ITPR1: variants seen among roughly 807,000 people sequenced by gnomAD.
ITPR1 encodes inositol 1,4,5-trisphosphate-gated calcium channel ITPR1.
In ITPR1, 96 loss-of-function variants were observed where a neutral mutation model predicts 318.4. That is an observed-to-expected ratio of 0.30 (90% CI 0.26 to 0.36). The LOEUF is 0.36. Among genes scored for constraint, ITPR1 ranks in the 10% least tolerant of loss-of-function variants. The pLI is 1.00. For missense variants in ITPR1, 2,440 were observed against 3,460.2 expected (o/e 0.71, Z 7.40); for synonymous variants, 1,312 against 1,289.9 (o/e 1.02, Z -0.37).
intron 44 of ITPR1, chr3:4,750,996 T>G (rs774811964): frequency 6.5e-6 from 1 of 152,992 alleles, no homozygotes; most frequent in Admixed American, 6.5e-5. Flanking sequence ...TCTTGCCTGA[T>G]AGAAGTTTTC....
At chr3:4,775,528 C>T in intron 47 of ITPR1, 86 bp downstream of exon 47, 1 of 1,047,226 alleles carries the variant, frequency 9.5e-7, no homozygotes. Context: ...ATCACGAAGC[C>T]TGTGCCTGTT....
intron 4 of ITPR1, among the ~76,000 whole-genome samples, chr3:4,536,539 C>A (rs897983452): frequency 2.0e-5 from 3 of 152,144 alleles, no homozygotes; most frequent in African/African-American, 7.2e-5. Context: ...ATGCTCCCTG[C>A]CCTTAAGGAA....
chr3:4,663,216 A>C lies in ITPR1; in HGVS notation c.1554+10A>C. ...GAATATTCTCAAGCAGGTCGGTGAGATGTGGCGTACTGGGGATTTGGCTTT... is the reference window on the plus strand; with the variant it reads ...GAATATTCTCAAGCAGGTCGGTGAGCTGTGGCGTACTGGGGATTTGGCTTT... On this transcript the variant is annotated intron_variant, in intron 16 of 61. Transcript: ENST00000649015. 1 of 1,606,560 alleles carries C rather than the reference A, an allele frequency of 6.2e-7. No individual in the cohort carries two copies. The highest frequency in any genetic ancestry group is 8.5e-7 in the Non-Finnish European group (1 of 1,175,018).
chr3:4,557,759 G>C (rs560120725), intron 4 of ITPR1, among the ~76,000 whole-genome samples: 1 of 152,138 alleles, frequency 6.6e-6, no homozygotes, highest in South Asian at 2.1e-4. Flanking sequence ...TATAGTGTAG[G>C]GATATGACTC....
chr3:4,739,484 C>T (rs894168046), intron 44 of ITPR1, among the ~76,000 whole-genome samples: 3 of 152,242 alleles, frequency 2.0e-5, no homozygotes, highest in Non-Finnish European at 4.4e-5. Context: ...CTGTGTTTGT[C>T]GGTTCTGCAT....
Position 4,787,171 on chromosome 3 carries a change from G to A in ITPR1, c.6616-776G>A, listed in dbSNP as rs544751437. Among the ~76,000 whole-genome samples, 32 of 152,046 alleles carry A rather than the reference G, an allele frequency of 2.1e-4. 1 individual carries two copies. The South Asian group carries it at 6.0e-3, about 29-fold the overall frequency. On this transcript the variant is annotated intron_variant, in intron 51 of 61. Transcript: ENST00000649015. ...TTCCATCATTACAGAAAGTTCTAGG[G>A]ATAGCACCAGCCTCATGTGAATATG...
chr3:4,774,048 C>T (rs756567671), intron 46 of ITPR1, among the ~76,000 whole-genome samples: 2 of 152,196 alleles, frequency 1.3e-5, no homozygotes, highest in Non-Finnish European at 2.9e-5. Flanking sequence ...CAAGAGTTGC[C>T]TCTCTTTCAT....
At chr3:4,823,972 C>T (rs1212647060) in intron 60 of ITPR1, among the ~76,000 whole-genome samples, 3 of 152,114 alleles carry the variant, frequency 2.0e-5, no homozygotes, top group East Asian at 1.9e-4. Context: ...CTTATATTTT[C>T]GGAGGTGTGT....
At chr3:4,734,193 A>G (rs2043121156) in intron 43 of ITPR1, among the ~76,000 whole-genome samples, 1 of 152,232 alleles carries the variant, frequency 6.6e-6, no homozygotes, top group African/African-American at 2.4e-5. Flanking sequence ...GGCCTTTCAA[A>G]TCCAAAAATC....
intron 4 of ITPR1, among the ~76,000 whole-genome samples, chr3:4,525,360 C>T (rs1465788652): frequency 6.6e-6 from 1 of 152,106 alleles, no homozygotes; most frequent in Non-Finnish European, 1.5e-5. Context: ...AGTTCAACAT[C>T]GAACAGAAGA....
intron 15 of ITPR1, 50 bp from the exon 16 acceptor site, chr3:4,663,015 C>T: frequency 2.6e-6 from 4 of 1,563,006 alleles, no homozygotes; most frequent in Non-Finnish European, 3.5e-6. Context: ...AAGCTTCCAG[C>T]CTGCTGAACA....
At chr3:4,833,484 T>G (rs1418286567) in intron 60 of ITPR1, among the ~76,000 whole-genome samples, 1 of 152,216 alleles carries the variant, frequency 6.6e-6, no homozygotes, top group Non-Finnish European at 1.5e-5. Flanking sequence ...TCGCTAACAT[T>G]TTAGGCAGTT....
rs747269394 is a variant in ITPR1, at chr3:4,787,941, T to C, written c.6616-6T>C. 2 of 1,600,310 alleles carry C rather than the reference T, an allele frequency of 1.2e-6. No homozygotes were observed. Among genetic ancestry groups the C allele is most frequent in the East Asian group, 4.5e-5 (2 of 44,724 alleles). ...ATATTTAATCTCATCCACTTTTTCA[T>C]CCTAGATTGTCAGATTAGACCGAAC... is the stretch of plus-strand genomic sequence containing the variant. On this transcript the variant is annotated splice_region_variant and splice_polypyrimidine_tract_variant and intron_variant, in intron 51 of 61. Coordinates refer to ENST00000649015, the MANE Select transcript of ITPR1 (RefSeq NM_001378452.1).
At chr3:4,694,662 C>T (rs1402243088) in intron 33 of ITPR1, among the ~76,000 whole-genome samples, 1 of 152,076 alleles carries the variant, frequency 6.6e-6, no homozygotes, top group African/African-American at 2.4e-5. Context: ...TGTCTCAGTA[C>T]CGAAGGCAAT....
intron 5 of ITPR1, among the ~76,000 whole-genome samples, chr3:4,636,154 G>A (rs186940124): frequency 1.2e-3 from 177 of 151,890 alleles, no homozygotes; most frequent in African/African-American, 4.0e-3. Flanking sequence ...GCCCAGACTT[G>A]GTTTTGTGAG....
intron 44 of ITPR1, chr3:4,749,877 T>G (rs1454966268): frequency 1.3e-5 from 2 of 152,746 alleles, no homozygotes; most frequent in African/African-American, 4.8e-5. Flanking sequence ...TAAGCCCTGA[T>G]GGGCACTGGA....
intron 18 of ITPR1, among the ~76,000 whole-genome samples, chr3:4,668,896 A>T (rs114804201): frequency 9.9e-4 from 150 of 152,264 alleles, no homozygotes; most frequent in African/African-American, 3.4e-3. Context: ...TATTGATTGT[A>T]TCTCATTCAC....
intron 17 of ITPR1, among the ~76,000 whole-genome samples, chr3:4,665,709 A>G (rs1273562183): frequency 1.3e-5 from 2 of 152,158 alleles, no homozygotes; most frequent in Non-Finnish European, 2.9e-5. Flanking sequence ...TTCATGTTTT[A>G]TGACATTCTA....
chr3:4,611,597 T>TAAATAAATAAATAAATAAA, intron 4 of ITPR1, among the ~76,000 whole-genome samples: 1 of 151,426 alleles, frequency 6.6e-6, no homozygotes, highest in African/African-American at 2.4e-5. Context: ...AATAAATAAA[T>TAAATAAATAAATAAATAAA]TAGCAGGTGT....
Sources: gnomAD v4.1 joint callset for allele counts (sites outside exome capture counted in the v4.1 genomes callset) on GRCh38, gnomAD v4.1.1 for gene constraint, MANE v1.5 for transcripts, NCBI Gene and HGNC (gene_info 2026-07-23, HGNC 2026-07-21) for gene names.